Variants in PTPRD observed in about 807,000 individuals in gnomAD.
The protein encoded by PTPRD is protein tyrosine phosphatase receptor type D.
PTPRD carries 34 observed loss-of-function variants against 214.5 expected under a neutral mutation model. The ratio of observed to expected loss-of-function variants is 0.16; its 90% CI spans 0.12 to 0.21. The LOEUF (loss-of-function observed/expected upper bound fraction) is 0.21, where lower values mean the gene tolerates loss of function less well. PTPRD is among the 10% of genes least tolerant of loss of function. The pLI is 1.00. For missense variants in PTPRD, 2,545 were observed against 2,398.7 expected, an observed-to-expected ratio of 1.06 and a Z score of -1.27; for synonymous variants, 1,128 against 845.7, an observed-to-expected ratio of 1.33 and a Z score of -5.79.
chr9:9,267,561 G>C (rs1169829224), intron 9 of PTPRD, among the ~76,000 whole-genome samples: 1 of 151,062 alleles, frequency 6.6e-6, no homozygotes, highest in African/African-American at 2.4e-5. Context: ...TACCAAACCA[G>C]AAAAGGACAC....
chr9:8,911,139 G>A (rs1180235991), intron 11 of PTPRD, among the ~76,000 whole-genome samples: 4 of 152,072 alleles, frequency 2.6e-5, no homozygotes, highest in African/African-American at 9.7e-5. Flanking sequence ...TGAATTCAAA[G>A]GATCTAAAAT....
At chr9:9,499,223 A>T (rs2096312554) in intron 8 of PTPRD, among the ~76,000 whole-genome samples, 1 of 152,134 alleles carries the variant, frequency 6.6e-6, no homozygotes. Flanking sequence ...TTGTGATGTT[A>T]TCAAGACGTA....
intron 6 of PTPRD, among the ~76,000 whole-genome samples, chr9:9,751,241 C>T (rs2098515956): frequency 6.6e-6 from 1 of 152,072 alleles, no homozygotes; most frequent in Non-Finnish European, 1.5e-5. Context: ...AAGTCCCCTG[C>T]AAGATGACTT....
In PTPRD at chr9:8,353,266, T is replaced by C. The variant is rs548338026; in HGVS notation, c.4662-11288A>G. On this transcript the variant is annotated intron_variant, in intron 39 of 45. Transcript: ENST00000381196. ...AAGGCAGTGAGAATCTCACTCTCAATACAATCAGTTTATGATTGTTTGCAA... is the reference window on the plus strand; with the variant it reads ...AAGGCAGTGAGAATCTCACTCTCAACACAATCAGTTTATGATTGTTTGCAA... Among the ~76,000 whole-genome samples, 5 of 152,294 alleles carry C rather than the reference T, an allele frequency of 3.3e-5. No homozygotes were observed. In the East Asian group the frequency reaches 9.6e-4, roughly 29 times the overall value.
chr9:10,061,004 T>C (rs410561), intron 3 of PTPRD, among the ~76,000 whole-genome samples: 66,497 of 145,748 alleles, frequency 0.46, 17,759 homozygotes, highest in African/African-American at 0.75. Context: ...TTTCCTCTCT[T>C]TCTGTCTCTC....
At chr9:9,837,586 G>A (rs1181806904) in intron 5 of PTPRD, among the ~76,000 whole-genome samples, 11 of 151,980 alleles carry the variant, frequency 7.2e-5, no homozygotes, top group South Asian at 6.2e-4. Context: ...CTTTTGATGG[G>A]GTAAAGCAAA....
At chr9:9,600,282 A>G (rs2093652559) in intron 7 of PTPRD, among the ~76,000 whole-genome samples, 1 of 152,128 alleles carries the variant, frequency 6.6e-6, no homozygotes, top group African/African-American at 2.4e-5. Flanking sequence ...TACAATTAAC[A>G]GGTTTAAGTA....
intron 7 of PTPRD, among the ~76,000 whole-genome samples, chr9:9,732,068 C>T (rs1324582892): frequency 6.6e-6 from 1 of 152,034 alleles, no homozygotes; most frequent in East Asian, 1.9e-4. Context: ...ACAATGAAGA[C>T]TTCCAGGAGA....
At chr9:8,339,664 T>G (rs1328923255) in intron 42 of PTPRD, among the ~76,000 whole-genome samples, 1 of 152,096 alleles carries the variant, frequency 6.6e-6, no homozygotes, top group Non-Finnish European at 1.5e-5. Flanking sequence ...TAGCTGCACT[T>G]CTATTTAATT....
intron 2 of PTPRD, among the ~76,000 whole-genome samples, chr9:10,373,420 C>G (rs1048592204): frequency 4.6e-5 from 7 of 152,020 alleles, no homozygotes; most frequent in African/African-American, 1.7e-4. Flanking sequence ...TTGAATACAA[C>G]TTAACTTTCA....
intron 10 of PTPRD, among the ~76,000 whole-genome samples, chr9:9,093,313 T>C (rs1159986746): frequency 6.6e-6 from 1 of 152,070 alleles, no homozygotes; most frequent in Non-Finnish European, 1.5e-5. Context: ...GAAATACGAA[T>C]AACACTAGTA....
At chr9:10,231,821 G>A (rs2099611001) in intron 3 of PTPRD, among the ~76,000 whole-genome samples, 1 of 151,846 alleles carries the variant, frequency 6.6e-6, no homozygotes. Context: ...GGTGGTATTG[G>A]GAAGCAGGGC....
chr9:10,274,531 T>G (rs370609985), intron 3 of PTPRD, among the ~76,000 whole-genome samples: 1 of 152,174 alleles, frequency 6.6e-6, no homozygotes, highest in Admixed American at 6.5e-5. Context: ...AGAAGACAAG[T>G]ATGGCTTTGG....
At chr9:8,372,176 A>G (rs1245382299) in intron 39 of PTPRD, among the ~76,000 whole-genome samples, 3 of 152,014 alleles carry the variant, frequency 2.0e-5, no homozygotes, top group African/African-American at 4.8e-5. Flanking sequence ...ACATTTGAAA[A>G]AATCCATTCA....
intron 6 of PTPRD, among the ~76,000 whole-genome samples, chr9:9,749,940 A>T (rs1399668944): frequency 6.6e-6 from 1 of 152,190 alleles, no homozygotes; most frequent in Non-Finnish European, 1.5e-5. Context: ...TATATAAAAT[A>T]ATAGAAGATG....
rs140578421 is a variant in PTPRD, at chr9:9,859,330, A to C, written c.-368+79177T>G. Among the ~76,000 whole-genome samples the C allele has an allele frequency of 2.9e-3, 447 of 152,290 alleles. 3 individuals are homozygous for C. Among genetic ancestry groups the C allele is most frequent in the African/African-American group, 9.8e-3 (408 of 41,570 alleles). On this transcript the variant is annotated intron_variant, in intron 5 of 45. Coordinates refer to ENST00000381196, the MANE Select transcript of PTPRD (RefSeq NM_002839.4). ...ACTAATACCCATACCAATCACAATC[A>C]ATTGCAACAGCTTCCTGGACTATTG... is the stretch of plus-strand genomic sequence containing the variant.
chr9:9,658,329 C>T (rs1329687731), intron 7 of PTPRD, among the ~76,000 whole-genome samples: 1 of 152,144 alleles, frequency 6.6e-6, no homozygotes, highest in Non-Finnish European at 1.5e-5. Flanking sequence ...CCATTTATCT[C>T]CCGAACTGGG....
At chr9:8,999,156 G>A (rs1051490156) in intron 11 of PTPRD, among the ~76,000 whole-genome samples, 1 of 152,064 alleles carries the variant, frequency 6.6e-6, no homozygotes, top group Non-Finnish European at 1.5e-5. Context: ...CAGGATTTAA[G>A]CAGATTGACT....
In PTPRD at chr9:8,624,903, C is replaced by T. The variant is rs115425802; in HGVS notation, c.352+8414G>A. ...CTTGCAGAGGCCACTGAAATAATGA[C>T]TATTTTGTTCATTATATGTAAAGTA... On this transcript the variant is annotated intron_variant, in intron 14 of 45. Coordinates refer to ENST00000381196, the MANE Select transcript of PTPRD (RefSeq NM_002839.4). Among the ~76,000 whole-genome samples the T allele has an allele frequency of 3.2e-3, 488 of 151,878 alleles. 3 individuals are homozygous for T. The highest frequency in any genetic ancestry group is 0.011 in the African/African-American group (463 of 41,476).
Sources: allele counts gnomAD v4.1 joint callset (sites outside exome capture counted in the v4.1 genomes callset), GRCh38; gene constraint gnomAD v4.1.1; transcripts MANE v1.5; gene names NCBI Gene and HGNC (gene_info 2026-07-23, HGNC 2026-07-21).